The following FAT1 variants were observed in gnomAD, a reference collection of about 807,000 sequenced individuals.
The protein encoded by FAT1 is FAT atypical cadherin 1.
Under a neutral mutation model 329.8 loss-of-function variants are expected in FAT1, and 171 were observed. The ratio of observed to expected loss-of-function variants is 0.52; its 90% CI spans 0.46 to 0.59. FAT1 has a LOEUF of 0.59. FAT1 is among the 20% of genes least tolerant of loss of function. The pLI is 0.00. For synonymous variants in FAT1, 2,233 were observed against 2,228.6 expected (o/e 1.00, Z -0.06); for missense variants, 5,672 against 5,774.4 (o/e 0.98, Z 0.57).
intron 2 of FAT1, among the ~76,000 whole-genome samples, chr4:186,672,429 G>A (rs1742771459): frequency 6.6e-6 from 1 of 152,062 alleles, no homozygotes; most frequent in Non-Finnish European, 1.5e-5. Flanking sequence ...TTTCTCTCCA[G>A]TTTAACTGAA....
chr4:186,647,159 T>C (rs1421477024), intron 3 of FAT1, among the ~76,000 whole-genome samples: 2 of 152,184 alleles, frequency 1.3e-5, no homozygotes, highest in African/African-American at 4.8e-5. Flanking sequence ...AGGCATACAA[T>C]TTATTTAAGG....
At chr4:186,599,652 G>C (rs945089778) in intron 22 of FAT1, among the ~76,000 whole-genome samples, 2 of 152,110 alleles carry the variant, frequency 1.3e-5, no homozygotes, top group African/African-American at 2.4e-5. Flanking sequence ...CCTCCTGCTC[G>C]GGCACTGGGA....
rs150584542 is a variant in FAT1, at chr4:186,598,064, C to G, written c.12165G>C (p.Pro4055=). The change falls in exon 23 of 27, where the codon CCG becomes CCC. Residue 4055 remains proline (P), a synonymous_variant. Transcript: ENST00000441802. ...IGTHCEISVN[P]CSSKPCLYGG... is the part of the protein sequence containing the mutation. ...CATAGAGGCATGGCTTGGAGGAACA[C>G]GGATTGACGCTTATCTCACAGTGGG... is the stretch of plus-strand genomic sequence containing the variant. 25 of 1,613,746 alleles carry G rather than the reference C, an allele frequency of 1.5e-5. No homozygotes were observed. The Admixed American group carries it at 4.2e-4, about 27-fold the overall frequency.
chr4:186,712,659 A>T (rs1471037886), intron 1 of FAT1, among the ~76,000 whole-genome samples: 1 of 152,196 alleles, frequency 6.6e-6, no homozygotes, highest in African/African-American at 2.4e-5. Flanking sequence ...GAAAAGAGGG[A>T]ACCCTAAATC....
rs41278607 is a variant in FAT1, at chr4:186,633,383, G to A, written c.4323+301C>T. On this transcript the variant is annotated intron_variant, in intron 7 of 26. Coordinates refer to ENST00000441802, the MANE Select transcript of FAT1 (RefSeq NM_005245.4). Reference sequence around the variant, plus strand: ...CATTCTCAACAGTGATGTACTTGATGTTAACATAGTTTAAAATGAGTGTAA... The same window carrying A: ...CATTCTCAACAGTGATGTACTTGATATTAACATAGTTTAAAATGAGTGTAA... 0.02 allele frequency among the ~76,000 whole-genome samples: 3,115 copies of A among 152,294 alleles called. 45 individuals are homozygous for A. The highest frequency in any genetic ancestry group is 0.031 in the South Asian group (151 of 4,826).
rs2126429708 is a variant in FAT1, at chr4:186,603,545, G to C, written c.10981C>G (p.Arg3661Gly). The change falls in exon 19 of 27, where the codon CGC becomes GGC. Residue 3661 changes from arginine to glycine, a missense_variant. Physicochemically the swap from Arg to Gly is moderately radical, Grantham distance 125. Transcript: ENST00000441802. ...TTCCGTAAAGCTCGCTGGAAGTTGC[G>C]CCAGTAGTCACCAACGAATTCTTCC... ...TPEEFVGDYW[R>G]NFQRALRNIL... 1.2e-6 allele frequency: 2 copies of C among 1,613,930 alleles called. No individual in the cohort carries two copies. The highest frequency in any genetic ancestry group is 1.7e-6 in the Non-Finnish European group (2 of 1,179,874).
At position 186,620,305 on chromosome 4, in the gene FAT1, G is replaced by C. The variant is rs1366913477; in HGVS notation, c.6281C>G (p.Thr2094Ser). 1.9e-6 allele frequency: 3 copies of C among 1,613,866 alleles called. No individual in the cohort carries two copies. The highest frequency in any genetic ancestry group is 2.5e-6 in the Non-Finnish European group (3 of 1,179,908). The change falls in exon 10 of 27, where the codon ACT becomes AGT. Residue 2094 changes from threonine (T) to serine (S), a missense_variant. Physicochemically the swap from Thr to Ser is moderately conservative, Grantham distance 58. Transcript: ENST00000441802. Reference sequence around the variant, plus strand: ...ATAGCGAATGACATGGCCCACCTCAGTGTCCACTTTAACAACGGCGTAGTA... The same window carrying C: ...ATAGCGAATGACATGGCCCACCTCACTGTCCACTTTAACAACGGCGTAGTA... ...LPYYAVVKVD[T>S]EVGHVIRYVT...
intron 7 of FAT1, among the ~76,000 whole-genome samples, chr4:186,633,434 G>A (rs1451009751): frequency 1.3e-5 from 2 of 152,254 alleles, no homozygotes; most frequent in African/African-American, 4.8e-5. Flanking sequence ...ATGGTATAAC[G>A]TTGGTTTGGT....
chr4:186,617,050 T>A lies in FAT1; in HGVS notation c.9030A>T (p.Glu3010Asp), dbSNP rs1739743977. Residue 3010 changes from glutamate (E) to aspartate (D), a missense_variant, in exon 11 of 27, where the codon GAA becomes GAT. This residue lies in a region of FAT1 where 3,966 missense variants were observed against 3,915.2 expected (regional missense o/e 1.01). Coordinates refer to ENST00000441802, the MANE Select transcript of FAT1 (RefSeq NM_005245.4). ...TGTCATTTGCATCCAGAACTTTCAC[T>A]TCAACTATCGCTTTTGATGAGAAGG... is the stretch of plus-strand genomic sequence containing the variant. Reference protein sequence around the residue: ...DGTFSSKAIVEVKVLDANDNS... With the variant: ...DGTFSSKAIVDVKVLDANDNS... 4.3e-6 allele frequency: 7 copies of A among 1,613,784 alleles called. No individual in the cohort carries two copies. The highest frequency in any genetic ancestry group is 4.0e-5 in the African/African-American group (3 of 74,936).
chr4:186,595,862 C>T lies in FAT1; in HGVS notation c.13001-36G>A, dbSNP rs538398353. The T allele has an allele frequency of 2.5e-6, 4 of 1,610,826 alleles. No homozygotes were observed. The African/African-American group carries it at 4.0e-5, about 16-fold the overall frequency. Reference sequence around the variant, plus strand: ...GGATGACAAACAGTAAGTATATGGGCCAAGACGGTTTTGTTCACCGCTGAA... The same window carrying T: ...GGATGACAAACAGTAAGTATATGGGTCAAGACGGTTTTGTTCACCGCTGAA... On this transcript the variant is annotated intron_variant, in intron 25 of 26. Transcript: ENST00000441802.
intron 3 of FAT1, among the ~76,000 whole-genome samples, chr4:186,651,707 G>A (rs1460397814): frequency 6.6e-6 from 1 of 152,176 alleles, no homozygotes; most frequent in Non-Finnish European, 1.5e-5. Context: ...GCAAAACACA[G>A]ATTGCCTTGC....
intron 22 of FAT1, among the ~76,000 whole-genome samples, chr4:186,598,375 C>A (rs1222458796): frequency 1.3e-5 from 2 of 152,120 alleles, no homozygotes; most frequent in Non-Finnish European, 2.9e-5. Context: ...CTAGGTCACA[C>A]ATATAGAGGA....
rs913489298 is a variant in FAT1, at chr4:186,707,879, C to T, written c.1949G>A (p.Gly650Glu). Residue 650 changes from glycine to glutamate, a missense_variant, in exon 2 of 27, where the codon GGA (glycine) becomes GAA (glutamate). Physicochemically the swap from Gly to Glu is moderately conservative, Grantham distance 98 (BLOSUM62 -2). This residue lies in a region of FAT1 where 3,966 missense variants were observed against 3,915.2 expected (regional missense o/e 1.01). Transcript: ENST00000441802. ...FHSLRITATD[G>E]ENFATPLYIN... ...ATATAATGGTGTGGCAAAATTTTCTCCATCTGTAGCTGTGATTCTCAGACT... is the reference window on the plus strand; with the variant it reads ...ATATAATGGTGTGGCAAAATTTTCTTCATCTGTAGCTGTGATTCTCAGACT... 9.3e-6 allele frequency: 15 copies of T among 1,613,820 alleles called. No individual in the cohort carries two copies. Among genetic ancestry groups the T allele is most frequent in the Admixed American group, 5.0e-5 (3 of 60,010 alleles).
At chr4:186,693,324 G>A (rs777643230) in intron 2 of FAT1, among the ~76,000 whole-genome samples, 9 of 152,150 alleles carry the variant, frequency 5.9e-5, no homozygotes, top group East Asian at 1.9e-4. Context: ...CACAGTACTC[G>A]GCAGCTCCTC....
chr4:186,713,761 T>G (rs1006617719), intron 1 of FAT1, among the ~76,000 whole-genome samples: 4 of 152,188 alleles, frequency 2.6e-5, no homozygotes, highest in Admixed American at 6.5e-5. Context: ...GGCCCCCGTC[T>G]CAGCCTCCTG....
intron 2 of FAT1, among the ~76,000 whole-genome samples, chr4:186,668,653 T>TCTTGTTCCTACACTTGTTCCTACA (rs1742578943): frequency 6.6e-6 from 1 of 152,190 alleles, no homozygotes; most frequent in Non-Finnish European, 1.5e-5. Flanking sequence ...CATTAGCAGT[T>TCTTGTTCCTACACTTGTTCCTACA]CTTGTTCCTA....
At position 186,618,141 on chromosome 4, in the gene FAT1, C is replaced by T. The variant is rs1191439371; in HGVS notation, c.8445G>A (p.Glu2815=). ...CTGGCAGGTTTTCAACAATGAATGC[C>T]TCATATGGACTAGATTCAAAGACCG... ...NSPVFESSPY[E]AFIVENLPGG... Residue 2815 remains glutamate (E), a synonymous_variant, in exon 10 of 27, where the codon GAG becomes GAA. Coordinates refer to ENST00000441802, the MANE Select transcript of FAT1 (RefSeq NM_005245.4). The T allele has an allele frequency of 6.2e-7, 1 of 1,614,010 alleles. No homozygotes were observed. The highest frequency in any genetic ancestry group is 8.5e-7 in the Non-Finnish European group (1 of 1,179,906).
intron 9 of FAT1, among the ~76,000 whole-genome samples, chr4:186,624,120 C>T (rs72716266): frequency 0.22 from 32,993 of 152,170 alleles, 4,522 homozygotes; most frequent in Non-Finnish European, 0.31. Flanking sequence ...CACTGAGATG[C>T]ACTGGTGCTG....
intron 26 of FAT1, among the ~76,000 whole-genome samples, chr4:186,595,399 T>C (rs1212701354): frequency 6.6e-6 from 1 of 151,650 alleles, no homozygotes; most frequent in Non-Finnish European, 1.5e-5. Flanking sequence ...AAAACTGGGG[T>C]GATATTAACT....
Sources: allele counts gnomAD v4.1 joint callset (sites outside exome capture counted in the v4.1 genomes callset), GRCh38; gene constraint gnomAD v4.1.1; regional missense constraint gnomAD v4.1.1; transcripts MANE v1.5; gene names NCBI Gene and HGNC (gene_info 2026-07-23, HGNC 2026-07-21).